Variants in MGAT1 observed in about 807,000 individuals in gnomAD.
The protein encoded by MGAT1 is alpha-1,3-mannosyl-glycoprotein 2-beta-N-acetylglucosaminyltransferase, also known as N-glycosyl-oligosaccharide-glycoprotein N-acetylglucosaminyltransferase I.
Under a neutral mutation model 31.7 loss-of-function variants are expected in MGAT1, and 14 were observed. That is an observed-to-expected ratio of 0.44 (90% CI 0.29 to 0.69). The LOEUF is 0.69. Ranked by LOEUF, MGAT1 falls within the 30% of genes least tolerant of loss-of-function variation. The pLI, the probability that MGAT1 is intolerant of heterozygous loss-of-function variation, is 0.12. For synonymous variants in MGAT1, 338 were observed against 276.0 expected (o/e 1.22, Z -2.23); for missense variants, 557 against 626.0 (o/e 0.89, Z 1.18).
At chr5:180,795,264 G>A (rs1300785433) in intron 1 of MGAT1, 1 of 148,316 alleles carries the variant, frequency 6.7e-6, no homozygotes, top group Admixed American at 6.7e-5. Flanking sequence ...TGATTGTGGT[G>A]ATACTTTTAC....
In MGAT1 at chr5:180,792,255, C is replaced by A. The variant is rs753539042; in HGVS notation, c.717G>T (p.Ser239=). ...LKADPSLWCV[S]AWNDNGKEQM... is the part of the protein sequence containing the mutation. ...GCTCCTTGCCGTTGTCATTCCAGGC[C>A]GAGACGCACCACAGGGAGGGGTCGG... is the stretch of plus-strand genomic sequence containing the variant. The change falls in exon 2 of 2, where the codon TCG becomes TCT. Residue 239 remains serine (S), a synonymous_variant. Transcript: ENST00000307826. 1.2e-6 allele frequency: 2 copies of A among 1,612,940 alleles called. No homozygotes were observed. Among genetic ancestry groups the A allele is most frequent in the African/African-American group, 2.7e-5 (2 of 74,938 alleles).
upstream of MGAT1, among the ~76,000 whole-genome samples, chr5:180,806,527 C>T (rs962669775): frequency 1.3e-5 from 2 of 152,176 alleles, no homozygotes; most frequent in African/African-American, 4.8e-5. Context: ...TGGCAGGGCA[C>T]AGAGCTTCTC....
In MGAT1 at chr5:180,791,409, T is replaced by G. The variant is rs1008010218; in HGVS notation, c.*225A>C. 3.2e-6 allele frequency: 2 copies of G among 624,874 alleles called. No individual in the cohort carries two copies. The highest frequency in any genetic ancestry group is 6.1e-5 in the Admixed American group (2 of 32,986). 38.7% of individuals were successfully genotyped at this position (624,874 alleles called of 1,614,324 possible). A position where few individuals can be genotyped will look rare whatever the true frequency, so the allele number is the denominator to read the frequency against. On this transcript the variant is annotated 3_prime_UTR_variant, in exon 2 of 2. Transcript: ENST00000307826. ...CCCCACCACACAGTGGTTTCCTGCTTAATACCCCGCAACATACCCTAGAAT... is the reference window on the plus strand; with the variant it reads ...CCCCACCACACAGTGGTTTCCTGCTGAATACCCCGCAACATACCCTAGAAT...
intron 1 of MGAT1, chr5:180,795,816 C>T (rs1259123278): frequency 1.3e-5 from 2 of 152,156 alleles, no homozygotes; most frequent in Admixed American, 1.3e-4. Context: ...ATCTGTTTGC[C>T]CTGAATTCCT....
At chr5:180,804,224 T>C (rs1434487238), upstream of MGAT1, among the ~76,000 whole-genome samples, 1 of 152,176 alleles carries the variant, frequency 6.6e-6, no homozygotes, top group Non-Finnish European at 1.5e-5. Context: ...AGATAACTAG[T>C]TTGAGGCTCA....
At chr5:180,794,226 T>TAAAAA (rs397884031) in intron 1 of MGAT1, among the ~76,000 whole-genome samples, 1 of 96,932 alleles carries the variant, frequency 1.0e-5, no homozygotes, top group African/African-American at 3.9e-5. Flanking sequence ...AAGTAACAAT[T>TAAAAA]AAAAAAAAAA....
Position 180,791,321 on chromosome 5 carries a change from C to G in MGAT1, c.*313G>C. 2.3e-6 allele frequency: 1 copy of G among 436,672 alleles called. No homozygotes were observed. Among genetic ancestry groups the G allele is most frequent in the Non-Finnish European group, 4.1e-6 (1 of 242,334 alleles). 27.0% of individuals were successfully genotyped at this position (436,672 alleles called of 1,614,324 possible). A position where few individuals can be genotyped will look rare whatever the true frequency, so the allele number is the denominator to read the frequency against. ...AAGAGAGCGAACGTTGCCAAACTCT[C>G]TGCACATGCTCCAGGAGAAAGCTCA... On this transcript the variant is annotated 3_prime_UTR_variant, in exon 2 of 2. Coordinates refer to ENST00000307826, the MANE Select transcript of MGAT1 (RefSeq NM_002406.4).
upstream of MGAT1, among the ~76,000 whole-genome samples, chr5:180,805,769 A>C (rs796199813): frequency 2.0e-5 from 3 of 151,960 alleles, no homozygotes; most frequent in Non-Finnish European, 1.5e-5. Context: ...AAGTAAAAGC[A>C]AATTTTTTAA....
At chr5:180,800,699 T>C (rs556336209) in intron 1 of MGAT1, among the ~76,000 whole-genome samples, 5 of 152,310 alleles carry the variant, frequency 3.3e-5, no homozygotes, top group East Asian at 3.9e-4. Flanking sequence ...CAAGTCCCTA[T>C]TGACATGCAA....
intron 1 of MGAT1, among the ~76,000 whole-genome samples, chr5:180,798,148 TG>T (rs1438134614): frequency 6.6e-6 from 1 of 152,164 alleles, no homozygotes; most frequent in Non-Finnish European, 1.5e-5. Flanking sequence ...AGACTCAAAC[TG>T]GGTTGCTGTG....
rs1253976656 is a variant in MGAT1, at chr5:180,786,083, A to ATT, written c.*5549_*5550dup. Reference sequence around the variant, plus strand: ...TTCCTGGTAGCTGAACCAGGGCAGCATTTGCTGTGAGCTGGGAGCCATGTG... The same window carrying ATT: ...TTCCTGGTAGCTGAACCAGGGCAGCATTTTTGCTGTGAGCTGGGAGCCATGTG... On this transcript the variant is annotated 3_prime_UTR_variant, in exon 2 of 2. Coordinates refer to ENST00000307826, the MANE Select transcript of MGAT1 (RefSeq NM_002406.4). 6.6e-6 allele frequency: 1 copy of ATT among 152,312 alleles called. No homozygotes were observed. The highest frequency in any genetic ancestry group is 2.4e-5 in the African/African-American group (1 of 41,478). 9.4% of individuals were successfully genotyped at this position (152,312 alleles called of 1,614,324 possible).
intron 1 of MGAT1, among the ~76,000 whole-genome samples, chr5:180,800,300 G>A (rs778044312): frequency 2.0e-5 from 3 of 152,146 alleles, no homozygotes; most frequent in South Asian, 2.1e-4. Context: ...AAATTACCTC[G>A]ATATTTAGTG....
At chr5:180,795,035 T>C (rs576251965) in intron 1 of MGAT1, among the ~76,000 whole-genome samples, 1 of 152,040 alleles carries the variant, frequency 6.6e-6, no homozygotes, top group Non-Finnish European at 1.5e-5. Flanking sequence ...CACAACACAA[T>C]CTCCAAATAA....
At chr5:180,811,466 C>G (rs936080636) in intron 1 of MGAT1, 1 of 152,236 alleles carries the variant, frequency 6.6e-6, no homozygotes, top group African/African-American at 2.4e-5. Flanking sequence ...GCCCACCTGT[C>G]TTTCCCATGG....
In MGAT1 at chr5:180,788,826, T is replaced by C. The variant is rs996057369; in HGVS notation, c.*2808A>G. On this transcript the variant is annotated 3_prime_UTR_variant, in exon 2 of 2. Transcript: ENST00000307826. Reference sequence around the variant, plus strand: ...GGAGCACTAAGTAAGTTGGTACTTATCCTGGAGCACTAAGTTGGTACTTAT... The same window carrying C: ...GGAGCACTAAGTAAGTTGGTACTTACCCTGGAGCACTAAGTTGGTACTTAT... The C allele has an allele frequency of 2.0e-5, 3 of 151,452 alleles. No homozygotes were observed. The highest frequency in any genetic ancestry group is 4.4e-5 in the Non-Finnish European group (3 of 67,886). 9.4% of individuals were successfully genotyped at this position (151,452 alleles called of 1,614,324 possible).
upstream of MGAT1, chr5:180,803,776 C>G (rs1207180031): frequency 6.5e-6 from 1 of 152,834 alleles, no homozygotes; most frequent in South Asian, 2.1e-4. Flanking sequence ...CCGGCCTGGC[C>G]CTCTGCAGAA....
chr5:180,792,111 G>A lies in MGAT1; in HGVS notation c.861C>T (p.Phe287=), dbSNP rs1768252640. The A allele has an allele frequency of 6.2e-7, 1 of 1,613,272 alleles. No homozygotes were observed. The highest frequency in any genetic ancestry group is 1.6e-4 in the Middle Eastern group (1 of 6,062). The change falls in exon 2 of 2, where the codon TTC becomes TTT. Residue 287 remains phenylalanine, a synonymous_variant. Coordinates refer to ENST00000307826, the MANE Select transcript of MGAT1 (RefSeq NM_002406.4). The part of the protein sequence containing the change: ...AELEPKWPKA[F]WDDWMRRPEQ... ...CCGGCCGCCGCATCCAGTCGTCCCA[G>A]AAGGCCTTTGGCCACTTGGGCTCCA...
chr5:180,797,399 C>T (rs1769629820), intron 1 of MGAT1, among the ~76,000 whole-genome samples: 1 of 139,214 alleles, frequency 7.2e-6, no homozygotes, highest in Admixed American at 7.1e-5. Context: ...AAGACTCCAT[C>T]CCCCACCAAA....
At chr5:180,813,439 A>G (rs940984261) in intron 1 of MGAT1, among the ~76,000 whole-genome samples, 3 of 152,210 alleles carry the variant, frequency 2.0e-5, no homozygotes, top group African/African-American at 4.8e-5. Flanking sequence ...TTTGTTACCT[A>G]TGTTACAGCA....
Sources: allele counts gnomAD v4.1 joint callset (sites outside exome capture counted in the v4.1 genomes callset), GRCh38; gene constraint gnomAD v4.1.1; transcripts MANE v1.5; gene names NCBI Gene and HGNC (gene_info 2026-07-23, HGNC 2026-07-21).